The following SH3RF3 variants were observed in gnomAD, a reference collection of about 807,000 sequenced individuals.
SH3RF3 encodes SH3 domain containing ring finger 3.
A neutral mutation model predicts 66.3 loss-of-function variants in SH3RF3; 29 were observed. That is an observed-to-expected ratio of 0.44 (90% CI 0.33 to 0.60). The LOEUF is 0.60. Among genes scored for constraint, SH3RF3 ranks in the 20% least tolerant of loss-of-function variants. The probability of loss-of-function intolerance (pLI) is 0.04; values close to 1 mark genes in which losing one functional copy is unlikely to be tolerated. For synonymous variants in SH3RF3, 583 were observed against 532.0 expected (o/e 1.10, Z -1.32); for missense variants, 1,194 against 1,190.9 (o/e 1.00, Z -0.04).
chr2:109,463,061 G>A (rs1449427607), intron 8 of SH3RF3, among the ~76,000 whole-genome samples: 1 of 152,212 alleles, frequency 6.6e-6, no homozygotes, highest in Non-Finnish European at 1.5e-5. Context: ...TCCTCAAGAA[G>A]ACCTAACCTG....
intron 1 of SH3RF3, among the ~76,000 whole-genome samples, chr2:109,231,801 A>C (rs903123592): frequency 6.6e-6 from 1 of 152,100 alleles, no homozygotes; most frequent in Non-Finnish European, 1.5e-5. Flanking sequence ...CCTCTTATTC[A>C]TTTTTAGTAA....
chr2:109,177,397 G>T (rs777708816), intron 1 of SH3RF3, among the ~76,000 whole-genome samples: 3 of 152,202 alleles, frequency 2.0e-5, no homozygotes, highest in Non-Finnish European at 4.4e-5. Flanking sequence ...GAATAAGTTG[G>T]ACATGAAATA....
rs149227566 is a variant in SH3RF3, at chr2:109,139,157, G to A, written c.573+9044G>A. The stretch of plus-strand genomic sequence containing the variant: ...CTTTATAATCATATCCCAAATCTGC[G>A]TAACTTAAAAATTGCATCCTATTTT... On this transcript the variant is annotated intron_variant, in intron 1 of 9. Transcript: ENST00000309415. 6.4e-4 allele frequency among the ~76,000 whole-genome samples: 98 copies of A among 152,274 alleles called. No homozygotes were observed. The East Asian group carries it at 0.018, about 27-fold the overall frequency.
chr2:109,495,594 T>C (rs1679240000), intron 9 of SH3RF3, among the ~76,000 whole-genome samples: 1 of 145,338 alleles, frequency 6.9e-6, no homozygotes, highest in Non-Finnish European at 1.5e-5. Flanking sequence ...ATTTAAGCAA[T>C]TCTTGTGCCC....
At chr2:109,327,256 A>G (rs535084096) in intron 1 of SH3RF3, among the ~76,000 whole-genome samples, 24 of 152,168 alleles carry the variant, frequency 1.6e-4, no homozygotes, top group Non-Finnish European at 2.2e-4. Flanking sequence ...TTCTTTTTCC[A>G]TCTAGATAAC....
chr2:109,306,590 C>T (rs1331108012), intron 1 of SH3RF3, among the ~76,000 whole-genome samples: 1 of 152,186 alleles, frequency 6.6e-6, no homozygotes, highest in African/African-American at 2.4e-5. Flanking sequence ...AGGCAGGAAG[C>T]TACATGCCAT....
intron 1 of SH3RF3, among the ~76,000 whole-genome samples, chr2:109,297,724 C>T (rs961813757): frequency 4.7e-5 from 7 of 150,488 alleles, no homozygotes; most frequent in East Asian, 2.0e-4. Context: ...CAACTGGGTC[C>T]GTGCCTCCCA....
chr2:109,261,100 C>T (rs1015263843), intron 1 of SH3RF3, among the ~76,000 whole-genome samples: 6 of 152,230 alleles, frequency 3.9e-5, no homozygotes, highest in African/African-American at 9.6e-5. Flanking sequence ...TCTGCCAAGA[C>T]GCCCAATGGG....
intron 1 of SH3RF3, among the ~76,000 whole-genome samples, chr2:109,130,673 C>G (rs1676671349): frequency 1.3e-5 from 2 of 152,146 alleles, no homozygotes; most frequent in Non-Finnish European, 2.9e-5. Flanking sequence ...GCCTTTTGAC[C>G]CAGCCCTTTT....
In SH3RF3 at chr2:109,294,694, C is replaced by T. The variant is rs536160722; in HGVS notation, c.574-52980C>T. ...GGTGATGTGGTGACGGGGCTGGGCT[C>T]AGCTGGGAGGAAGACAGACACAGCC... On this transcript the variant is annotated intron_variant, in intron 1 of 9. Transcript: ENST00000309415. 2.0e-5 allele frequency among the ~76,000 whole-genome samples: 3 copies of T among 152,186 alleles called. No individual in the cohort carries two copies. The South Asian group carries it at 6.2e-4, about 32-fold the overall frequency.
chr2:109,324,661 T>C (rs537448270), intron 1 of SH3RF3, among the ~76,000 whole-genome samples: 22 of 152,234 alleles, frequency 1.4e-4, no homozygotes, highest in Non-Finnish European at 3.2e-4. Flanking sequence ...TCCTTTCTCC[T>C]GGAACTCCTT....
intron 1 of SH3RF3, among the ~76,000 whole-genome samples, chr2:109,276,361 G>A (rs1167059208): frequency 2.0e-5 from 3 of 152,318 alleles, no homozygotes; most frequent in Admixed American, 6.5e-5. Context: ...TATGTGTCCC[G>A]TAGTAGATGT....
chr2:109,354,920 G>A (rs899178309), intron 2 of SH3RF3, among the ~76,000 whole-genome samples: 3 of 152,246 alleles, frequency 2.0e-5, no homozygotes, highest in Non-Finnish European at 2.9e-5. Flanking sequence ...TATTTACGAA[G>A]CTTAGGAAGA....
chr2:109,288,404 G>A (rs1356498583), intron 1 of SH3RF3, among the ~76,000 whole-genome samples: 1 of 152,162 alleles, frequency 6.6e-6, no homozygotes, highest in Non-Finnish European at 1.5e-5. Flanking sequence ...TCACAAAGGA[G>A]GCATTTGAAT....
chr2:109,275,877 C>T (rs1484751829), intron 1 of SH3RF3, among the ~76,000 whole-genome samples: 1 of 152,124 alleles, frequency 6.6e-6, no homozygotes, highest in African/African-American at 2.4e-5. Flanking sequence ...TTTTTTGAGT[C>T]CACTCTAGGT....
rs754243762 is a variant in SH3RF3, at chr2:109,419,676, G to A, written c.1403+34G>A. The stretch of plus-strand genomic sequence containing the variant: ...CCCTTTGTGTCTGTCGGGGTCCTGT[G>A]CCTGCAGCCCTCCCTCCTGCCTGGG... On this transcript the variant is annotated intron_variant, in intron 5 of 9. Coordinates refer to ENST00000309415, the MANE Select transcript of SH3RF3 (RefSeq NM_001099289.3). The A allele has an allele frequency of 9.7e-6, 15 of 1,542,408 alleles. No homozygotes were observed. In the East Asian group the frequency reaches 2.9e-4, roughly 30 times the overall value.
chr2:109,308,039 A>G (rs1040081574), intron 1 of SH3RF3, among the ~76,000 whole-genome samples: 1 of 147,052 alleles, frequency 6.8e-6, no homozygotes, highest in Non-Finnish European at 1.5e-5. Context: ...CAGTCCCACC[A>G]ACAGTGTAAA....
intron 1 of SH3RF3, among the ~76,000 whole-genome samples, chr2:109,297,584 A>G (rs1469042335): frequency 8.5e-6 from 1 of 117,274 alleles, no homozygotes; most frequent in Non-Finnish European, 1.7e-5. Context: ...CAGTGTCCCC[A>G]ACCCAGTCAG....
chr2:109,258,461 C>T (rs957001605), intron 1 of SH3RF3, among the ~76,000 whole-genome samples: 3 of 152,188 alleles, frequency 2.0e-5, no homozygotes, highest in African/African-American at 7.2e-5. Context: ...TCCTCGGGCC[C>T]TCAGCACAGC....
Sources: gnomAD v4.1 joint callset for allele counts (sites outside exome capture counted in the v4.1 genomes callset) on GRCh38, gnomAD v4.1.1 for gene constraint, MANE v1.5 for transcripts, NCBI Gene and HGNC (gene_info 2026-07-23, HGNC 2026-07-21) for gene names.